Variants in WAPL observed in about 807,000 individuals in gnomAD.
WAPL encodes the protein WAPL cohesin release factor.
A neutral mutation model predicts 121.0 loss-of-function variants in WAPL; 5 were observed. The ratio of observed to expected loss-of-function variants is 0.04; its 90% CI spans 0.02 to 0.09. WAPL has a LOEUF of 0.09. Among genes scored for constraint, WAPL ranks in the 10% least tolerant of loss-of-function variants. WAPL has a pLI of 1.00. For missense variants in WAPL, 999 were observed against 1,410.8 expected (o/e 0.71, Z 4.68); for synonymous variants, 480 against 481.5 (o/e 1.00, Z 0.04).
At position 86,467,413 on chromosome 10, in the gene WAPL, G is replaced by T; in HGVS notation, c.2236C>A (p.Arg746=). The T allele has an allele frequency of 6.2e-7, 1 of 1,613,816 alleles. No homozygotes were observed. Among genetic ancestry groups the T allele is most frequent in the Non-Finnish European group, 8.5e-7 (1 of 1,179,962 alleles). Residue 746 remains arginine (R), a synonymous_variant, in exon 9 of 19, where the codon CGA becomes AGA. Coordinates refer to ENST00000298767, the MANE Select transcript of WAPL (RefSeq NM_015045.5). The part of the protein sequence containing the change: ...LDRASLDLMI[R]LLELEQDASS... ...GCATCTTGTTCCAGTTCCAAAAGTCGAATCATTAGATCTAAGCTAGCTCTA... is the reference window on the plus strand; with the variant it reads ...GCATCTTGTTCCAGTTCCAAAAGTCTAATCATTAGATCTAAGCTAGCTCTA...
chr10:86,455,233 T>C (rs557036309), intron 12 of WAPL, among the ~76,000 whole-genome samples: 1 of 152,372 alleles, frequency 6.6e-6, no homozygotes, highest in South Asian at 2.1e-4. Context: ...ATGGCAGTTT[T>C]GTCGAACAGA....
At chr10:86,488,568 G>C (rs1211108054) in intron 4 of WAPL, 1 of 152,218 alleles carries the variant, frequency 6.6e-6, no homozygotes, top group Admixed American at 6.5e-5. Flanking sequence ...ATGTAAGTAA[G>C]AAAATGCAAA....
intron 4 of WAPL, among the ~76,000 whole-genome samples, chr10:86,487,893 T>A (rs1250229706): frequency 6.6e-6 from 1 of 152,018 alleles, no homozygotes; most frequent in Non-Finnish European, 1.5e-5. Context: ...AGACTCTGTC[T>A]CAAAACAAAC....
intron 4 of WAPL, among the ~76,000 whole-genome samples, chr10:86,486,378 C>A (rs1841931625): frequency 6.6e-6 from 1 of 152,326 alleles, no homozygotes; most frequent in African/African-American, 2.4e-5. Context: ...AGTAAGTTGA[C>A]AACCCGTATA....
intron 4 of WAPL, among the ~76,000 whole-genome samples, chr10:86,481,607 A>G (rs978416033): frequency 1.3e-5 from 2 of 152,104 alleles, no homozygotes; most frequent in African/African-American, 2.4e-5. Flanking sequence ...TCCTGACCTT[A>G]GGTGATCTGC....
intron 15 of WAPL, among the ~76,000 whole-genome samples, 158 bp from the exon 16 acceptor site, chr10:86,446,607 C>G (rs748097034): frequency 2.0e-5 from 3 of 152,132 alleles, no homozygotes; most frequent in East Asian, 3.8e-4. Flanking sequence ...TTGCTCTACA[C>G]CCTACTGAAA....
intron 3 of WAPL, among the ~76,000 whole-genome samples, chr10:86,497,798 G>A (rs1349687847): frequency 2.0e-5 from 3 of 152,276 alleles, no homozygotes; most frequent in East Asian, 1.9e-4. Context: ...TAAAACACCA[G>A]AAAAGGAGGA....
intron 17 of WAPL, among the ~76,000 whole-genome samples, chr10:86,438,339 T>C (rs6586009): frequency 0.96 from 145,885 of 151,710 alleles, 70,287 homozygotes; most frequent in East Asian, 1. Context: ...CTGCAACCTC[T>C]ACCTCCTGGG....
At chr10:86,510,168 G>C (rs868123982) in intron 2 of WAPL, among the ~76,000 whole-genome samples, 3 of 147,190 alleles carry the variant, frequency 2.0e-5, no homozygotes, top group Non-Finnish European at 4.4e-5. Flanking sequence ...TCTGCCTACC[G>C]GGTTTAAGCG....
intron 4 of WAPL, among the ~76,000 whole-genome samples, chr10:86,489,994 C>T (rs1167456540): frequency 1.3e-5 from 2 of 151,628 alleles, no homozygotes; most frequent in African/African-American, 4.8e-5. Context: ...GTGGGCGGAT[C>T]GCTTGAGGTC....
At chr10:86,458,944 A>G in intron 12 of WAPL, 45 bp downstream of exon 12, 1 of 1,487,098 alleles carries the variant, frequency 6.7e-7, no homozygotes, top group East Asian at 2.3e-5. Context: ...AAATGTTTAA[A>G]ATAAGTAACA....
rs1849290467 is a variant in WAPL at position 86,435,273 on chromosome 10, T to C, written c.*2270A>G. 1 of 152,670 alleles carries C rather than the reference T, an allele frequency of 6.6e-6. No individual in the cohort carries two copies. The highest frequency in any genetic ancestry group is 2.4e-5 in the African/African-American group (1 of 41,460). The allele number at this position is 152,670 out of a possible 1,614,324, so 9.5% of individuals were successfully genotyped here. Reference sequence around the variant, plus strand: ...ACAACATGTGTATTGAAAGTAGCAATTTTATTTGAGTTAAAATTATTTACA... The same window carrying C: ...ACAACATGTGTATTGAAAGTAGCAACTTTATTTGAGTTAAAATTATTTACA... On this transcript the variant is annotated 3_prime_UTR_variant, in exon 19 of 19. Transcript: ENST00000298767.
chr10:86,502,628 G>A (rs1256606727), intron 2 of WAPL, among the ~76,000 whole-genome samples: 1 of 152,128 alleles, frequency 6.6e-6, no homozygotes, highest in Non-Finnish European at 1.5e-5. Flanking sequence ...ATACATCTGT[G>A]TAACTGTATA....
chr10:86,494,719 TAAATGCCCATTCA>T (rs1309336479), intron 4 of WAPL, among the ~76,000 whole-genome samples: 1 of 152,204 alleles, frequency 6.6e-6, no homozygotes, highest in African/African-American at 2.4e-5. Context: ...CATGTATGGG[TAAATGCCCATTCA>T]AAATGCAAGA....
intron 4 of WAPL, among the ~76,000 whole-genome samples, chr10:86,474,383 C>T (rs562842677): frequency 5.4e-4 from 82 of 152,018 alleles, no homozygotes; most frequent in Non-Finnish European, 1.1e-3. Flanking sequence ...GGCATGGTGG[C>T]AGGCATCTGT....
chr10:86,482,868 A>G (rs536896152), intron 4 of WAPL, among the ~76,000 whole-genome samples: 1 of 152,330 alleles, frequency 6.6e-6, no homozygotes, highest in South Asian at 2.1e-4. Context: ...GAAACTTCCC[A>G]TTATAAAATG....
chr10:86,458,863 C>A, intron 12 of WAPL, 126 bp downstream of exon 12: 1 of 651,504 alleles, frequency 1.5e-6, no homozygotes, highest in Non-Finnish European at 2.5e-6. Flanking sequence ...CAATGTGAAC[C>A]AATTCACAGA....
At position 86,521,464 on chromosome 10, in the gene WAPL, G is replaced by A. The variant is rs1842675461; in HGVS notation, c.-122C>T. ...CGGAACCCTCGCGCGGGAGAGCAGG[G>A]CCGGCAGGTGAGAGCCGAGAGAGGC... On this transcript the variant is annotated 5_prime_UTR_variant, in exon 1 of 19. Coordinates refer to ENST00000298767, the MANE Select transcript of WAPL (RefSeq NM_015045.5). The A allele has an allele frequency of 6.2e-6, 2 of 321,940 alleles. No individual in the cohort carries two copies. The highest frequency in any genetic ancestry group is 1.3e-5 in the Non-Finnish European group (2 of 159,128). 19.9% of individuals were successfully genotyped at this position (321,940 alleles called of 1,614,324 possible).
At chr10:86,461,372 GC>G in intron 9 of WAPL, 85 bp from the exon 10 acceptor site, 12 of 1,024,332 alleles carry the variant, frequency 1.2e-5, no homozygotes, top group Non-Finnish European at 1.6e-5. Context: ...TTTACTGCAT[GC>G]TACATGTAGT....
Sources: allele counts gnomAD v4.1 joint callset (sites outside exome capture counted in the v4.1 genomes callset), GRCh38; gene constraint gnomAD v4.1.1; transcripts MANE v1.5; gene names NCBI Gene and HGNC (gene_info 2026-07-23, HGNC 2026-07-21).